AGBL4: variants seen among roughly 807,000 people sequenced by gnomAD.
The protein encoded by AGBL4 is AGBL carboxypeptidase 4, also known as cytosolic carboxypeptidase 6.
A neutral mutation model predicts 66.4 loss-of-function variants in AGBL4; 58 were observed. That is an observed-to-expected ratio of 0.87 (90% CI 0.71 to 1.09). The LOEUF (loss-of-function observed/expected upper bound fraction) is 1.09. Ranked by LOEUF, AGBL4 falls within the 50% of genes least tolerant of loss-of-function variation. AGBL4 has a pLI of 0.00. For missense variants in AGBL4, 579 were observed against 631.0 expected, an observed-to-expected ratio of 0.92 and a Z score of 0.88; for synonymous variants, 234 against 222.9, an observed-to-expected ratio of 1.05 and a Z score of -0.44.
intron 1 of AGBL4, among the ~76,000 whole-genome samples, chr1:49,987,941 T>A (rs185176401): frequency 1.4e-4 from 21 of 151,594 alleles, no homozygotes; most frequent in Non-Finnish European, 2.5e-4. Context: ...TGAAAAAACA[T>A]GTACGAATTT....
In AGBL4 at chr1:48,903,091, G is replaced by T. The variant is rs554663496; in HGVS notation, c.595-35861C>A. 2.0e-5 allele frequency among the ~76,000 whole-genome samples: 3 copies of T among 152,236 alleles called. No individual in the cohort carries two copies. The South Asian group carries it at 6.2e-4, about 32-fold the overall frequency. ...CTTATAATGTCATCCGGTGCTCAAG[G>T]CTTAGTTTGTGCTCTTTCAGCATTT... On this transcript the variant is annotated intron_variant, in intron 5 of 13. Transcript: ENST00000371839.
chr1:49,648,646 TA>T (rs1249479513), intron 3 of AGBL4, among the ~76,000 whole-genome samples: 1 of 151,726 alleles, frequency 6.6e-6, no homozygotes, highest in Non-Finnish European at 1.5e-5. Flanking sequence ...TAGGGGTAAG[TA>T]AAAATAAGAA....
chr1:48,985,231 G>A (rs1660089016), intron 5 of AGBL4, among the ~76,000 whole-genome samples: 1 of 152,074 alleles, frequency 6.6e-6, no homozygotes, highest in Admixed American at 6.6e-5. Context: ...GCACAGGGAG[G>A]GAAACCAAAG....
chr1:49,855,898 T>A (rs1312109303), intron 1 of AGBL4, among the ~76,000 whole-genome samples: 1 of 151,490 alleles, frequency 6.6e-6, no homozygotes, highest in African/African-American at 2.4e-5. Flanking sequence ...ATAATAAAGA[T>A]CAAAGCAGAA....
chr1:49,232,154 T>C (rs78410163), intron 4 of AGBL4, among the ~76,000 whole-genome samples: 5,337 of 152,194 alleles, frequency 0.035, 137 homozygotes, highest in East Asian at 0.057. Context: ...TTAATTGCAG[T>C]GATGGTTGCA....
chr1:48,552,476 A>T lies in AGBL4; in HGVS notation c.1268-12738T>A, dbSNP rs147034869. Among the ~76,000 whole-genome samples, 22 of 152,348 alleles carry T rather than the reference A, an allele frequency of 1.4e-4. No individual in the cohort carries two copies. In the East Asian group the frequency reaches 3.5e-3, roughly 24 times the overall value. ...CATTCACACTGGCTATGTAGAGTAA[A>T]CAAAACAGGAATGGCTGTGCTCTCA... is the stretch of plus-strand genomic sequence containing the variant. On this transcript the variant is annotated intron_variant, in intron 11 of 13. Coordinates refer to ENST00000371839, the MANE Select transcript of AGBL4 (RefSeq NM_032785.4).
intron 2 of AGBL4, among the ~76,000 whole-genome samples, chr1:49,829,556 G>T (rs1645601192): frequency 6.6e-6 from 1 of 151,962 alleles, no homozygotes; most frequent in African/African-American, 2.4e-5. Context: ...AAGATGTAAT[G>T]GTATATAGTG....
At chr1:49,890,549 T>C (rs1473362144) in intron 1 of AGBL4, among the ~76,000 whole-genome samples, 1 of 152,230 alleles carries the variant, frequency 6.6e-6, no homozygotes, top group Non-Finnish European at 1.5e-5. Flanking sequence ...AATAATACTA[T>C]GGTAGATTTA....
chr1:49,909,505 G>C (rs1325120188), intron 1 of AGBL4, among the ~76,000 whole-genome samples: 1 of 152,138 alleles, frequency 6.6e-6, no homozygotes, highest in Non-Finnish European at 1.5e-5. Context: ...CCTGAGGTGA[G>C]AGTGTTCAGC....
chr1:48,593,777 A>C (rs752480542), intron 9 of AGBL4, among the ~76,000 whole-genome samples: 16 of 152,158 alleles, frequency 1.1e-4, no homozygotes, highest in Admixed American at 6.5e-5. Flanking sequence ...AAATAAAATA[A>C]AATAATAAAT....
At chr1:49,573,589 G>A (rs1186113996) in intron 3 of AGBL4, among the ~76,000 whole-genome samples, 8 of 152,160 alleles carry the variant, frequency 5.3e-5, no homozygotes, top group Admixed American at 5.2e-4. Context: ...CAGGGATTCT[G>A]TCTCCCAGCT....
intron 1 of AGBL4, among the ~76,000 whole-genome samples, chr1:50,002,227 A>G (rs1202414416): frequency 6.6e-6 from 1 of 152,234 alleles, no homozygotes; most frequent in East Asian, 1.9e-4. Context: ...GGTGAGTCAA[A>G]TACACCAAAG....
chr1:48,935,236 G>A (rs925423479), intron 5 of AGBL4, among the ~76,000 whole-genome samples: 7 of 152,146 alleles, frequency 4.6e-5, no homozygotes, highest in Admixed American at 3.3e-4. Flanking sequence ...CATTGGCTAT[G>A]GATATGTTTC....
At chr1:50,017,779 G>T (rs1557663465) in intron 1 of AGBL4, among the ~76,000 whole-genome samples, 1 of 152,016 alleles carries the variant, frequency 6.6e-6, no homozygotes, top group Non-Finnish European at 1.5e-5. Context: ...CCACCTGTTG[G>T]ATACTATGCT....
At chr1:48,605,753 C>T (rs1296732391) in intron 9 of AGBL4, among the ~76,000 whole-genome samples, 2 of 152,184 alleles carry the variant, frequency 1.3e-5, no homozygotes, top group East Asian at 3.9e-4. Context: ...AAGATATTAT[C>T]TTTGAGCAGA....
chr1:49,285,007 T>C lies in AGBL4; in HGVS notation c.283-39143A>G, dbSNP rs528044478. Among the ~76,000 whole-genome samples, 807 of 151,224 alleles carry C rather than the reference T, an allele frequency of 5.3e-3. 3 individuals are homozygous for C. The highest frequency in any genetic ancestry group is 8.6e-3 in the Admixed American group (130 of 15,150). ...AGGATACCCAGGAATTGAACTCAGC[T>C]CTGCACCAAGCGGACCTAATAGACA... On this transcript the variant is annotated intron_variant, in intron 3 of 13. Coordinates refer to ENST00000371839, the MANE Select transcript of AGBL4 (RefSeq NM_032785.4).
At chr1:49,775,104 T>A (rs1557434376) in intron 2 of AGBL4, among the ~76,000 whole-genome samples, 3 of 152,106 alleles carry the variant, frequency 2.0e-5, no homozygotes, top group Non-Finnish European at 2.9e-5. Flanking sequence ...AGATATTGAA[T>A]GAGAGAAAAA....
intron 3 of AGBL4, among the ~76,000 whole-genome samples, chr1:49,661,477 A>G (rs988043707): frequency 3.9e-5 from 6 of 151,974 alleles, no homozygotes; most frequent in Non-Finnish European, 8.8e-5. Flanking sequence ...AGAATCTGGA[A>G]CTTCCCTTCT....
At chr1:48,808,497 T>C (rs532975914) in intron 6 of AGBL4, among the ~76,000 whole-genome samples, 47 of 152,124 alleles carry the variant, frequency 3.1e-4, no homozygotes, top group Middle Eastern at 3.2e-3. Context: ...ATGTCCCTGA[T>C]GAGGCAGGGC....
Sources: gnomAD v4.1 joint callset for allele counts (sites outside exome capture counted in the v4.1 genomes callset) on GRCh38, gnomAD v4.1.1 for gene constraint, MANE v1.5 for transcripts, NCBI Gene and HGNC (gene_info 2026-07-23, HGNC 2026-07-21) for gene names.